KDM2B: variants seen among roughly 807,000 people sequenced by gnomAD.
KDM2B encodes the protein lysine demethylase 2B, also known as lysine-specific demethylase 2B.
A neutral mutation model predicts 150.0 loss-of-function variants in KDM2B; 26 were observed. That is an observed-to-expected ratio of 0.17 (90% CI 0.13 to 0.24). The LOEUF (loss-of-function observed/expected upper bound fraction) is 0.24. Ranked by LOEUF, KDM2B falls within the 10% of genes least tolerant of loss-of-function variation. The pLI is 1.00. For missense variants in KDM2B, 1,265 were observed against 1,816.9 expected (o/e 0.70, Z 5.52); for synonymous variants, 734 against 729.5 (o/e 1.01, Z -0.10).
At chr12:121,431,404 C>A (rs545165697) in intron 22 of KDM2B, among the ~76,000 whole-genome samples, 6 of 151,222 alleles carry the variant, frequency 4.0e-5, no homozygotes, top group Non-Finnish European at 8.8e-5. Context: ...CCACCTCAGC[C>A]TCCCAAAGTG....
rs1555292116 is a variant in KDM2B, at chr12:121,453,308, G to A, written c.1771C>T (p.Pro591Ser). The change falls in exon 13 of 23, where the codon CCG becomes TCG. Residue 591 changes from proline to serine, a missense_variant. Coordinates refer to ENST00000377071, the MANE Select transcript of KDM2B (RefSeq NM_032590.5). This position sits in a 1 kb window ranked among gnomAD's most constrained non-coding sequence, Gnocchi z 6.4. ...AVGRPKGKLG[P>S]ASAVKLAANR... ...GCGGCCAACTTCACCGCGGAGGCCG[G>A]GCCCAGCTTCCCCTTGGGCCGACCC... 1.3e-6 allele frequency: 2 copies of A among 1,596,094 alleles called. No homozygotes were observed. Among genetic ancestry groups the A allele is most frequent in the Non-Finnish European group, 1.7e-6 (2 of 1,171,332 alleles).
At position 121,571,471 on chromosome 12, in the gene KDM2B, C is replaced by T. The variant is rs543772577; in HGVS notation, c.397+3076G>A. ...ACGTGGTGAATTTTTGTATTTTTAG[C>T]AGAGACGGGGTTTCATCATGTTGGC... On this transcript the variant is annotated intron_variant, in intron 4 of 22. Transcript: ENST00000377071. Among the ~76,000 whole-genome samples the T allele has an allele frequency of 2.6e-5, 4 of 151,164 alleles. No individual in the cohort carries two copies. In the South Asian group the frequency reaches 8.4e-4, roughly 32 times the overall value.
Position 121,527,182 on chromosome 12 carries a change from G to A in KDM2B, c.931+5624C>T, listed in dbSNP as rs1160692708. Among the ~76,000 whole-genome samples, 5 of 150,094 alleles carry A rather than the reference G, an allele frequency of 3.3e-5. No homozygotes were observed. The East Asian group carries it at 8.4e-4, about 25-fold the overall frequency. On this transcript the variant is annotated intron_variant, in intron 8 of 22. Coordinates refer to ENST00000377071, the MANE Select transcript of KDM2B (RefSeq NM_032590.5). ...CTGGCCTCAGCCTCCCGAGCAGCTG[G>A]TACTACATAGGCACCCGCCGCCACG...
intron 12 of KDM2B, among the ~76,000 whole-genome samples, chr12:121,454,427 G>C (rs1315643696): frequency 6.6e-6 from 1 of 152,160 alleles, no homozygotes; most frequent in Non-Finnish European, 1.5e-5. Flanking sequence ...TAGTAGCTAA[G>C]CCAGGAAAAT....
chr12:121,513,498 G>A lies in KDM2B; in HGVS notation c.1048-96C>T. On this transcript the variant is annotated intron_variant, in intron 9 of 22. Coordinates refer to ENST00000377071, the MANE Select transcript of KDM2B (RefSeq NM_032590.5). This position sits in a 1 kb window ranked among gnomAD's most constrained non-coding sequence, Gnocchi z 5.0. The stretch of plus-strand genomic sequence containing the variant: ...CGGGGCAGGCTCCCTGCAGGTGAGG[G>A]TCACTGTCATCATCTTAGCGAGAGC... 1 of 1,384,268 alleles carries A rather than the reference G, an allele frequency of 7.2e-7. No homozygotes were observed. The highest frequency in any genetic ancestry group is 1.0e-6 in the Non-Finnish European group (1 of 988,614). The allele number at this position is 1,384,268 out of a possible 1,614,324, so 85.7% of individuals were successfully genotyped here.
intron 4 of KDM2B, among the ~76,000 whole-genome samples, chr12:121,574,030 T>C (rs1891311983): frequency 1.3e-5 from 2 of 152,102 alleles, no homozygotes; most frequent in African/African-American, 4.8e-5. Flanking sequence ...GCCTGTAAGA[T>C]CTGAAATGCC....
chr12:121,554,033 C>CCACACA (rs56659514), intron 4 of KDM2B, among the ~76,000 whole-genome samples: 7,887 of 122,028 alleles, frequency 0.065, 333 homozygotes, highest in Non-Finnish European at 0.083. Context: ...CACCCCAGCT[C>CCACACA]CACACACACA....
At chr12:121,526,632 A>T (rs1887158701) in intron 8 of KDM2B, among the ~76,000 whole-genome samples, 1 of 152,240 alleles carries the variant, frequency 6.6e-6, no homozygotes, top group East Asian at 1.9e-4. Context: ...TGATAGGACG[A>T]TTGTTTAAGC....
chr12:121,462,128 G>A (rs536638549), intron 12 of KDM2B, among the ~76,000 whole-genome samples: 1 of 152,328 alleles, frequency 6.6e-6, no homozygotes, highest in Non-Finnish European at 1.5e-5. Flanking sequence ...CAGGCCCCCC[G>A]ATTTCTTTGT....
At chr12:121,565,946 TTAA>T (rs1229361770) in intron 4 of KDM2B, among the ~76,000 whole-genome samples, 1 of 151,652 alleles carries the variant, frequency 6.6e-6, no homozygotes, top group Non-Finnish European at 1.5e-5. Flanking sequence ...TTTTTTTTTT[TTAA>T]TAATAATAAC....
At chr12:121,522,648 G>A (rs1886792566) in intron 8 of KDM2B, among the ~76,000 whole-genome samples, 1 of 152,100 alleles carries the variant, frequency 6.6e-6, no homozygotes, top group African/African-American at 2.4e-5. Flanking sequence ...AGGAGTTTGA[G>A]ACCAGCCTGG....
chr12:121,452,677 T>G lies in KDM2B; in HGVS notation c.1959+443A>C, dbSNP rs1555291866. Among the ~76,000 whole-genome samples, 1 of 152,170 alleles carries G rather than the reference T, an allele frequency of 6.6e-6. No individual in the cohort carries two copies. Among genetic ancestry groups the G allele is most frequent in the Non-Finnish European group, 1.5e-5 (1 of 68,018 alleles). On this transcript the variant is annotated intron_variant, in intron 13 of 22. Transcript: ENST00000377071. The surrounding 1 kb of genome is among the most constrained non-coding windows in gnomAD (Gnocchi z 4.4). Reference sequence around the variant, plus strand: ...CTGCCGGAGCTGAGGCCAGGCGGTGTGGAGGGGCGGGCCAGGCTCTCCCGG... The same window carrying G: ...CTGCCGGAGCTGAGGCCAGGCGGTGGGGAGGGGCGGGCCAGGCTCTCCCGG...
At chr12:121,420,653 G>A in the KDM2B span, 5 of 1,614,176 alleles carry the variant, frequency 3.1e-6, no homozygotes, top group South Asian at 2.2e-5. Context: ...GAAGGAATGA[G>A]CGTGCGCCAG....
rs1364428507 is a variant in KDM2B, at chr12:121,581,020, G to T, written c.-109C>A. 2 of 1,436,006 alleles carry T rather than the reference G, an allele frequency of 1.4e-6. No individual in the cohort carries two copies. The highest frequency in any genetic ancestry group is 4.7e-5 in the East Asian group (2 of 42,930). The allele number at this position is 1,436,006 out of a possible 1,614,324, so 89.0% of individuals were successfully genotyped here. On this transcript the variant is annotated 5_prime_UTR_variant, in exon 1 of 23. Transcript: ENST00000377071. ...CACTCAAAGATGTGGACACACACAC[G>T]TACAGGAAATACAGCCAGACCAGAG...
At chr12:121,495,044 C>A (rs781858210) in intron 11 of KDM2B, among the ~76,000 whole-genome samples, 15 of 150,690 alleles carry the variant, frequency 1.0e-4, no homozygotes, top group Admixed American at 1.3e-4. Flanking sequence ...GTCACCCAGG[C>A]CGGAGTGCAG....
intron 12 of KDM2B, among the ~76,000 whole-genome samples, chr12:121,483,904 G>A (rs1882448948): frequency 6.6e-6 from 1 of 152,082 alleles, no homozygotes; most frequent in Admixed American, 6.6e-5. Flanking sequence ...AGGGCTAAGG[G>A]AAAACAGCCA....
Position 121,452,426 on chromosome 12 carries a change from C to G in KDM2B, c.1959+694G>C, listed in dbSNP as rs1555291791. 6.6e-6 allele frequency among the ~76,000 whole-genome samples: 1 copy of G among 152,212 alleles called. No individual in the cohort carries two copies. Among genetic ancestry groups the G allele is most frequent in the East Asian group, 1.9e-4 (1 of 5,194 alleles). ...AGGCTGGGCCTGCAGATGAGCGCAC[C>G]AGGGCCGAGGAATCCCGTCCCTCCA... On this transcript the variant is annotated intron_variant, in intron 13 of 22. Transcript: ENST00000377071. This position sits in a 1 kb window ranked among gnomAD's most constrained non-coding sequence, Gnocchi z 4.4.
At chr12:121,447,405 C>T (rs1876460046) in intron 13 of KDM2B, among the ~76,000 whole-genome samples, 1 of 151,770 alleles carries the variant, frequency 6.6e-6, no homozygotes, top group African/African-American at 2.4e-5. Flanking sequence ...CCACGCCCAG[C>T]TAATTTTTTA....
In KDM2B at chr12:121,581,000, A is replaced by G; in HGVS notation, c.-89T>C. The G allele has an allele frequency of 6.6e-7, 1 of 1,523,044 alleles. No individual in the cohort carries two copies. Among genetic ancestry groups the G allele is most frequent in the African/African-American group, 1.4e-5 (1 of 72,444 alleles). 94.3% of individuals were successfully genotyped at this position (1,523,044 alleles called of 1,614,324 possible). On this transcript the variant is annotated 5_prime_UTR_variant, in exon 1 of 23. Transcript: ENST00000377071. ...CCTAACTTTTAAACTCCCGGCACTC[A>G]AAGATGTGGACACACACACGTACAG...
Sources: allele counts gnomAD v4.1 joint callset (sites outside exome capture counted in the v4.1 genomes callset), GRCh38; gene constraint gnomAD v4.1.1; non-coding constraint Gnocchi (gnomAD v3.1); transcripts MANE v1.5; gene names NCBI Gene and HGNC (gene_info 2026-07-23, HGNC 2026-07-21).